The following SCIMP variants were observed in gnomAD, a reference collection of about 807,000 sequenced individuals.
SCIMP encodes the protein SLP adapter and CSK-interacting membrane protein.
SCIMP carries 18 observed loss-of-function variants against 22.0 expected under a neutral mutation model. That is an observed-to-expected ratio of 0.82 (90% confidence interval 0.56 to 1.21). SCIMP has a LOEUF of 1.21. Among genes scored for constraint, SCIMP ranks in the 50% most tolerant of loss-of-function variants. The pLI, the probability that SCIMP is intolerant of heterozygous loss-of-function variation, is 0.00. For missense variants in SCIMP, 155 were observed against 171.2 expected (o/e 0.91, Z 0.53); for synonymous variants, 53 against 62.2 (o/e 0.85, Z 0.70).
rs2074621659 is a variant in SCIMP, at chr17:5,223,256, C to T, written c.145+77G>A. The T allele has an allele frequency of 2.0e-6, 3 of 1,507,238 alleles. No homozygotes were observed. The Admixed American group carries it at 6.0e-5, about 30-fold the overall frequency. The allele number at this position is 1,507,238 out of a possible 1,614,324, so 93.4% of individuals were successfully genotyped here. A position where few individuals can be genotyped will look rare whatever the true frequency, so the allele number is the denominator to read the frequency against. ...CTCATTCAGGCCCAGGATTGATTTG[C>T]TTGCCCTAAAGGAGCTCTACTGCAC... On this transcript the variant is annotated intron_variant, in intron 2 of 4. Coordinates refer to ENST00000574081, the MANE Select transcript of SCIMP (RefSeq NM_207103.3).
chr17:5,230,852 A>G (rs1002019201), intron 1 of SCIMP, among the ~76,000 whole-genome samples: 3 of 152,180 alleles, frequency 2.0e-5, no homozygotes, highest in Admixed American at 2.0e-4. Context: ...AGGTGGGAGG[A>G]TGGCTTGACT....
Position 5,209,680 on chromosome 17 carries a change from G to T in SCIMP, c.*1121C>A, listed in dbSNP as rs954895681. ...ATGAGTCAAGTCCTAGGGCTCTGGC[G>T]ATCAGCTAGAAGGAATTGATGAGGT... On this transcript the variant is annotated 3_prime_UTR_variant, in exon 5 of 5. Transcript: ENST00000574081. 1.3e-5 allele frequency: 2 copies of T among 152,166 alleles called. No homozygotes were observed. The highest frequency in any genetic ancestry group is 4.8e-5 in the African/African-American group (2 of 41,438). 9.4% of individuals were successfully genotyped at this position (152,166 alleles called of 1,614,324 possible). A position where few individuals can be genotyped will look rare whatever the true frequency, so the allele number is the denominator to read the frequency against.
intron 3 of SCIMP, 67 bp from the exon 4 acceptor site, chr17:5,215,065 G>T: frequency 2.1e-6 from 2 of 967,702 alleles, no homozygotes; most frequent in South Asian, 1.3e-5. Context: ...GCCGATTTAA[G>T]AGAAAACATC....
intron 1 of SCIMP, among the ~76,000 whole-genome samples, chr17:5,225,526 T>G (rs1042932989): frequency 1.6e-4 from 24 of 152,268 alleles, no homozygotes; most frequent in African/African-American, 5.1e-4. Context: ...TTTGGGTGGC[T>G]GAGGCAGGCG....
chr17:5,218,735 G>A lies in SCIMP; in HGVS notation c.209+2552C>T, dbSNP rs1041433879. ...GGATCAGAATTGATGGAGGCAGGGG[G>A]AGTCTTATTTGCTGGATCCCTGAAG... On this transcript the variant is annotated intron_variant, in intron 3 of 4. Transcript: ENST00000574081. Among the ~76,000 whole-genome samples the A allele has an allele frequency of 3.3e-5, 5 of 152,130 alleles. No individual in the cohort carries two copies. In the East Asian group the frequency reaches 9.6e-4, roughly 29 times the overall value.
chr17:5,220,421 G>A, intron 3 of SCIMP, among the ~76,000 whole-genome samples: 1 of 116,526 alleles, frequency 8.6e-6, no homozygotes, highest in African/African-American at 3.4e-5. Flanking sequence ...AACATAGCAA[G>A]ACCCCATCTC....
intron 4 of SCIMP, among the ~76,000 whole-genome samples, chr17:5,211,768 C>T (rs1045165839): frequency 1.7e-4 from 26 of 152,076 alleles, no homozygotes; most frequent in African/African-American, 5.8e-4. Context: ...AGAACAGGTT[C>T]ATAGGAGGCT....
rs1234733372 is a variant in SCIMP, at chr17:5,220,766, T to A, written c.209+521A>T. On this transcript the variant is annotated intron_variant, in intron 3 of 4. Transcript: ENST00000574081. ...CTCAAAAAATAAAAATAAAAAAAAATAGAACTACCAGGCGGGCCTGGTGGC... is the reference window on the plus strand; with the variant it reads ...CTCAAAAAATAAAAATAAAAAAAAAAAGAACTACCAGGCGGGCCTGGTGGC... Among the ~76,000 whole-genome samples, 57 of 138,328 alleles carry A rather than the reference T, an allele frequency of 4.1e-4. 1 individual carries two copies. The highest frequency in any genetic ancestry group is 1.9e-3 in the Admixed American group (26 of 13,640). The allele number at this position is 138,328 out of a possible 152,430, so 90.7% of individuals were successfully genotyped here. A position where few individuals can be genotyped will look rare whatever the true frequency, so the allele number is the denominator to read the frequency against.
chr17:5,226,935 C>T (rs1385561457), intron 1 of SCIMP, among the ~76,000 whole-genome samples: 1 of 151,982 alleles, frequency 6.6e-6, no homozygotes, highest in Admixed American at 6.6e-5. Context: ...GGTTTAATGG[C>T]CAAGGTGCTT....
intron 1 of SCIMP, among the ~76,000 whole-genome samples, chr17:5,228,360 T>A (rs117205687): frequency 0.087 from 7,413 of 84,930 alleles, 275 homozygotes; most frequent in East Asian, 0.26. Flanking sequence ...AAAAAAAAAA[T>A]GCATTGAGCA....
intron 2 of SCIMP, 32 bp downstream of exon 2, chr17:5,223,301 C>G (rs2074621993): frequency 1.9e-6 from 3 of 1,612,062 alleles, no homozygotes; most frequent in Non-Finnish European, 1.7e-6. Flanking sequence ...CCTGGCTCCT[C>G]CCTCCACCTG....
At chr17:5,226,422 G>A (rs2074648906) in intron 1 of SCIMP, among the ~76,000 whole-genome samples, 1 of 152,022 alleles carries the variant, frequency 6.6e-6, no homozygotes, top group Non-Finnish European at 1.5e-5. Flanking sequence ...GAACTACTCA[G>A]AGTAATAAAT....
At chr17:5,223,503 C>T (rs1227619106) in intron 1 of SCIMP, 47 bp from the exon 2 acceptor site, 11 of 1,606,492 alleles carry the variant, frequency 6.8e-6, no homozygotes, top group Middle Eastern at 1.7e-4. Flanking sequence ...GAAAGATATC[C>T]TGGGGTTGGG....
At chr17:5,226,822 T>C (rs2074652990) in intron 1 of SCIMP, among the ~76,000 whole-genome samples, 1 of 152,032 alleles carries the variant, frequency 6.6e-6, no homozygotes, top group African/African-American at 2.4e-5. Context: ...ACATTTTTAA[T>C]AGAACCAAGG....
intron 1 of SCIMP, among the ~76,000 whole-genome samples, chr17:5,232,219 G>A (rs1363759690): frequency 6.6e-6 from 1 of 152,238 alleles, no homozygotes; most frequent in Non-Finnish European, 1.5e-5. Context: ...GTGTGCAGTT[G>A]TTTGCGCTGA....
rs2074512922 is a variant in SCIMP, at chr17:5,209,653, G to C, written c.*1148C>G. On this transcript the variant is annotated 3_prime_UTR_variant, in exon 5 of 5. Transcript: ENST00000574081. ...AACCAGCATCTTGTGAGTATAGTTA[G>C]AATGAGTCAAGTCCTAGGGCTCTGG... 6.6e-6 allele frequency: 1 copy of C among 152,222 alleles called. No homozygotes were observed. The highest frequency in any genetic ancestry group is 2.4e-5 in the African/African-American group (1 of 41,456). The allele number at this position is 152,222 out of a possible 1,614,324, so 9.4% of individuals were successfully genotyped here. A position where few individuals can be genotyped will look rare whatever the true frequency, so the allele number is the denominator to read the frequency against.
At chr17:5,215,664 C>T (rs2074560580) in intron 3 of SCIMP, among the ~76,000 whole-genome samples, 1 of 152,106 alleles carries the variant, frequency 6.6e-6, no homozygotes, top group Non-Finnish European at 1.5e-5. Flanking sequence ...ACTCCTAAAG[C>T]AGAATGTACA....
rs10681110 is a variant in SCIMP, at chr17:5,227,292, A to AACACACACACACACACACACAC, written c.22-3858_22-3837dup. Among the ~76,000 whole-genome samples, 76 of 144,318 alleles carry AACACACACACACACACACACAC rather than the reference A, an allele frequency of 5.3e-4. 1 individual carries two copies. The highest frequency in any genetic ancestry group is 1.7e-3 in the African/African-American group (67 of 38,532). The allele number at this position is 144,318 out of a possible 152,430, so 94.7% of individuals were successfully genotyped here. On this transcript the variant is annotated intron_variant, in intron 1 of 4. Coordinates refer to ENST00000574081, the MANE Select transcript of SCIMP (RefSeq NM_207103.3). ...CCTGTCTCTATATACACACACACAC[A>AACACACACACACACACACACAC]ACACACACACACACACACACACACA...
At chr17:5,225,070 C>T (rs762295801) in intron 1 of SCIMP, among the ~76,000 whole-genome samples, 6 of 152,188 alleles carry the variant, frequency 3.9e-5, no homozygotes, top group South Asian at 4.1e-4. Context: ...TGGCAAATGA[C>T]CAAGGCGTTT....
Sources: allele counts gnomAD v4.1 joint callset (sites outside exome capture counted in the v4.1 genomes callset), GRCh38; gene constraint gnomAD v4.1.1; transcripts MANE v1.5; gene names NCBI Gene and HGNC (gene_info 2026-07-23, HGNC 2026-07-21).